POLE: variants seen among roughly 807,000 people sequenced by gnomAD.
POLE encodes the protein DNA polymerase epsilon, catalytic subunit.
POLE carries 188 observed loss-of-function variants against 279.2 expected under a neutral mutation model. The observed-to-expected ratio is 0.67, with a 90% confidence interval of 0.60 to 0.76. The LOEUF (loss-of-function observed/expected upper bound fraction) is 0.76, where lower values mean the gene tolerates loss of function less well. Among genes scored for constraint, POLE ranks in the 30% least tolerant of loss-of-function variants. POLE has a pLI of 0.00. For missense variants in POLE, 2,703 were observed against 3,016.7 expected (o/e 0.90, Z 2.44); for synonymous variants, 1,214 against 1,172.5 (o/e 1.04, Z -0.72).
Position 132,624,667 on chromosome 12 carries a change from G to T in POLE, c.*30C>A, listed in dbSNP as rs770742427. 12 of 1,315,170 alleles carry T rather than the reference G, an allele frequency of 9.1e-6. No individual in the cohort carries two copies. In the South Asian group the frequency reaches 1.4e-4, roughly 15 times the overall value. 81.5% of individuals were successfully genotyped at this position (1,315,170 alleles called of 1,614,324 possible). ...CCTTGGCATCAGGAGGCCTGGCACG[G>T]ACGCAGAGGCACCCGGGGCCCGGGG... On this transcript the variant is annotated 3_prime_UTR_variant, in exon 49 of 49. Coordinates refer to ENST00000320574, the MANE Select transcript of POLE (RefSeq NM_006231.4).
intron 20 of POLE, among the ~76,000 whole-genome samples, chr12:132,666,304 A>G (rs2042795255): frequency 1.3e-5 from 2 of 152,246 alleles, no homozygotes. Flanking sequence ...ACATCATACT[A>G]AGACTGGGCG....
rs2136034323 is a variant in POLE, at chr12:132,681,216, A to T, written c.126T>A (p.Asp42Glu). 6.2e-7 allele frequency: 1 copy of T among 1,614,206 alleles called. No individual in the cohort carries two copies. The highest frequency in any genetic ancestry group is 1.1e-5 in the South Asian group (1 of 91,082). ...LKRLERSQWT[D>E]KMDLRFGFER... is the part of the protein sequence containing the mutation. The stretch of plus-strand genomic sequence containing the variant: ...CAAAACCAAACCGCAAATCCATCTT[A>T]TCCGTCCACTGACTCCGTTCCAGGC... The change falls in exon 2 of 49, where the codon GAT (aspartate) becomes GAA (glutamate). Residue 42 changes from aspartate to glutamate, a missense_variant. Around this residue, in one of 5 missense-constraint regions of POLE, gnomAD observed 1,011 missense variants for 1,111.7 expected, o/e 0.91. Coordinates refer to ENST00000320574, the MANE Select transcript of POLE (RefSeq NM_006231.4).
rs1593791513 is a variant in POLE, at chr12:132,668,315, G to A, written c.2173+41C>T. On this transcript the variant is annotated intron_variant, in intron 19 of 48. Coordinates refer to ENST00000320574, the MANE Select transcript of POLE (RefSeq NM_006231.4). This position sits in a 1 kb window ranked among gnomAD's most constrained non-coding sequence, Gnocchi z 4.0. ...CAGTAAGAACAGAAAGTGGGAGCAG[G>A]AGCCACATCTTTACAGCCGTGACCA... The A allele has an allele frequency of 4.0e-6, 6 of 1,512,250 alleles. No individual in the cohort carries two copies. Among genetic ancestry groups the A allele is most frequent in the Non-Finnish European group, 5.3e-6 (6 of 1,130,280 alleles). The allele number at this position is 1,512,250 out of a possible 1,614,324, so 93.7% of individuals were successfully genotyped here.
chr12:132,651,336 C>T (rs2042417970), intron 29 of POLE: 1 of 152,192 alleles, frequency 6.6e-6, no homozygotes, highest in African/African-American at 2.4e-5. Context: ...CAAGCGCCTA[C>T]TTTTTCAAAA....
intron 5 of POLE, 82 bp downstream of exon 5, chr12:132,679,872 T>G: frequency 8.9e-7 from 1 of 1,123,384 alleles, no homozygotes; most frequent in South Asian, 1.4e-5. Context: ...TGACCTGAAT[T>G]TCTACCTCTT....
intron 45 of POLE, among the ~76,000 whole-genome samples, chr12:132,630,457 AAAT>A (rs1355236223): frequency 3.3e-5 from 5 of 152,204 alleles, no homozygotes; most frequent in Non-Finnish European, 7.4e-5. Context: ...GCCCATTAAA[AAAT>A]GCCCCACAGC....
At position 132,625,711 on chromosome 12, in the gene POLE, AGAG is replaced by A. The variant is rs1188033351; in HGVS notation, c.6588_6590del (p.Ser2197del). 9.9e-6 allele frequency: 16 copies of A among 1,613,526 alleles called. No homozygotes were observed. Among genetic ancestry groups the A allele is most frequent in the African/African-American group, 1.3e-5 (1 of 74,944 alleles). ...CTTCCACCAGCGTCATCTCGATGGC[AGAG>A]GAGTCGTAGGGCGCCTGACAGTTGG... On this transcript the variant is annotated inframe_deletion, in exon 47 of 49. Transcript: ENST00000320574.
chr12:132,632,776 G>A lies in POLE; in HGVS notation c.6024C>T (p.Tyr2008=), dbSNP rs778767230. The A allele has an allele frequency of 2.5e-6, 4 of 1,610,218 alleles. No homozygotes were observed. The highest frequency in any genetic ancestry group is 3.4e-6 in the Non-Finnish European group (4 of 1,179,774). ...MIVSAYIVAV[Y]HCMKDGLRRS... The stretch of plus-strand genomic sequence containing the variant: ...GCCTCAGCCCGTCCTTCATGCAGTG[G>A]TACACGGCCACGATGTACGCTGTGG... Residue 2008 remains tyrosine, a synonymous_variant, in exon 44 of 49, where the codon TAC becomes TAT. Coordinates refer to ENST00000320574, the MANE Select transcript of POLE (RefSeq NM_006231.4).
chr12:132,638,911 G>T (rs1053939542), intron 40 of POLE: 7 of 573,950 alleles, frequency 1.2e-5, no homozygotes, highest in Non-Finnish European at 1.9e-5. Flanking sequence ...GGCAGGAGAG[G>T]AGGTGCCACC....
At position 132,672,675 on chromosome 12, in the gene POLE, G is replaced by C; in HGVS notation, c.1638C>G (p.Ala546=). 1 of 1,614,116 alleles carries C rather than the reference G, an allele frequency of 6.2e-7. No homozygotes were observed. Among genetic ancestry groups the C allele is most frequent in the Non-Finnish European group, 8.5e-7 (1 of 1,180,026 alleles). ...SETYVGGHVE[A]LESGVFRSDI... The stretch of plus-strand genomic sequence containing the variant: ...CGCTGCGGAAAACCCCAGACTCGAG[G>C]GCCTCCACGTGGCCCCCGACGTAGG... Residue 546 remains alanine (A), a synonymous_variant, in exon 15 of 49, where the codon GCC becomes GCG. Transcript: ENST00000320574.
intron 48 of POLE, 21 bp from the exon 49 acceptor site, chr12:132,624,831 A>C (rs2041797190): frequency 6.3e-7 from 1 of 1,595,636 alleles, no homozygotes; most frequent in Non-Finnish European, 8.6e-7. Flanking sequence ...AAACAGGCAC[A>C]GTGAGACCCC....
Position 132,649,815 on chromosome 12 carries a change from C to T in POLE, c.3657G>A (p.Lys1219=), listed in dbSNP as rs1593751325. The T allele has an allele frequency of 9.9e-6, 16 of 1,614,162 alleles. No homozygotes were observed. Among genetic ancestry groups the T allele is most frequent in the Non-Finnish European group, 1.4e-5 (16 of 1,180,026 alleles). Residue 1219 remains lysine (K), a synonymous_variant, in exon 30 of 49, where the codon AAG becomes AAA. Transcript: ENST00000320574. ...TGACAGGGGCTGCTGGGTGAGGCAG[C>T]TTTACGAGGCCGAAGTCCTCCATGT... ...APDMEDFGLV[K]LPHPAAPVTV...
chr12:132,632,824 C>T, intron 43 of POLE, 29 bp from the exon 44 acceptor site: 1 of 1,564,600 alleles, frequency 6.4e-7, no homozygotes, highest in East Asian at 2.3e-5. Flanking sequence ...ACCACAGGCC[C>T]TGAGTCGGGC....
At chr12:132,662,857 T>C (rs1258341211) in intron 23 of POLE, among the ~76,000 whole-genome samples, 2 of 152,176 alleles carry the variant, frequency 1.3e-5, no homozygotes, top group Non-Finnish European at 2.9e-5. Flanking sequence ...AACCCTGGGA[T>C]GTCCACTCTG....
intron 29 of POLE, among the ~76,000 whole-genome samples, chr12:132,653,642 T>A (rs985724076): frequency 1.3e-5 from 2 of 152,246 alleles, no homozygotes; most frequent in African/African-American, 4.8e-5. Flanking sequence ...AGTTGATGTC[T>A]CCCTTTTCAA....
intron 32 of POLE, 56 bp from the exon 33 acceptor site, chr12:132,644,033 T>A: frequency 6.4e-7 from 1 of 1,573,904 alleles, no homozygotes; most frequent in East Asian, 2.3e-5. Flanking sequence ...ATGTCTGTGG[T>A]ACACACACAA....
Position 132,642,276 on chromosome 12 carries a change from G to A in POLE, c.5074C>T (p.Pro1692Ser), listed in dbSNP as rs2042162803. The A allele has an allele frequency of 1.2e-6, 2 of 1,610,546 alleles. No individual in the cohort carries two copies. The highest frequency in any genetic ancestry group is 1.7e-6 in the Non-Finnish European group (2 of 1,178,460). The change falls in exon 38 of 49, where the codon CCT becomes TCT. Residue 1692 changes from proline (P) to serine (S), a missense_variant. By Grantham distance (74) the Pro-to-Ser change is moderately conservative (BLOSUM62 -1). Coordinates refer to ENST00000320574, the MANE Select transcript of POLE (RefSeq NM_006231.4). ...HLLWLSPTAR[P>S]DLGGKEADDN... ...TCAGCCTCCTTTCCACCCAGGTCAG[G>A]GCGGGCTGTAGGGGACAGCCAGAGC... is the stretch of plus-strand genomic sequence containing the variant.
At chr12:132,679,906 T>C in intron 5 of POLE, 48 bp downstream of exon 5, 1 of 1,354,930 alleles carries the variant, frequency 7.4e-7, no homozygotes, top group Admixed American at 1.9e-5. Flanking sequence ...CCAGGAACAA[T>C]GTAGACTCTG....
Position 132,668,952 on chromosome 12 carries a change from C to T in POLE, c.1795-13G>A, listed in dbSNP as rs749522265. 1.2e-5 allele frequency: 20 copies of T among 1,612,478 alleles called. No homozygotes were observed. The highest frequency in any genetic ancestry group is 5.0e-5 in the Admixed American group (3 of 59,912). Reference sequence around the variant, plus strand: ...TCTCATCACACACCTGCAGAGAAAGCGAAACTCAGTAGAGGCTGGTGACCA... The same window carrying T: ...TCTCATCACACACCTGCAGAGAAAGTGAAACTCAGTAGAGGCTGGTGACCA... On this transcript the variant is annotated splice_polypyrimidine_tract_variant and intron_variant, in intron 16 of 48. Coordinates refer to ENST00000320574, the MANE Select transcript of POLE (RefSeq NM_006231.4). This position sits in a 1 kb window ranked among gnomAD's most constrained non-coding sequence, Gnocchi z 4.0.
Sources: gnomAD v4.1 joint callset for allele counts (sites outside exome capture counted in the v4.1 genomes callset) on GRCh38, gnomAD v4.1.1 for gene constraint, gnomAD v4.1.1 regional missense constraint, Gnocchi (gnomAD v3.1) non-coding constraint, MANE v1.5 for transcripts, NCBI Gene and HGNC (gene_info 2026-07-23, HGNC 2026-07-21) for gene names.